The following EEF2KMT variants were observed in gnomAD, a reference collection of about 807,000 sequenced individuals.
EEF2KMT encodes eukaryotic elongation factor 2 lysine methyltransferase, also known as protein-lysine N-methyltransferase EEF2KMT.
EEF2KMT carries 30 observed loss-of-function variants against 35.1 expected under a neutral mutation model. The ratio of observed to expected loss-of-function variants is 0.85; its 90% CI spans 0.64 to 1.16. The LOEUF is 1.16. EEF2KMT is among the 50% of genes most tolerant of loss of function. EEF2KMT has a pLI of 0.00. For synonymous variants in EEF2KMT, 190 were observed against 187.7 expected (o/e 1.01, Z -0.10); for missense variants, 499 against 438.2 (o/e 1.14, Z -1.24).
chr16:5,091,022 C>T (rs1945964824), intron 4 of EEF2KMT, among the ~76,000 whole-genome samples: 1 of 152,176 alleles, frequency 6.6e-6, no homozygotes, highest in African/African-American at 2.4e-5. Flanking sequence ...TCAAGCAATT[C>T]TCCTGCCTCA....
intron 2 of EEF2KMT, 88 bp from the exon 3 acceptor site, chr16:5,093,652 C>A (rs961360330): frequency 3.8e-6 from 6 of 1,587,818 alleles, no homozygotes; most frequent in South Asian, 2.3e-5. Context: ...GGGCAAACTC[C>A]AGGCTACCCG....
rs62036251 is a variant in EEF2KMT, at chr16:5,090,833, G to C, written c.343-268C>G. ...AATTCTGGCGATGGAACACATGTCA[G>C]TGGTGGCCAGGGGACAGGTGTGGCT... is the stretch of plus-strand genomic sequence containing the variant. On this transcript the variant is annotated intron_variant, in intron 4 of 7. Coordinates refer to ENST00000427587, the MANE Select transcript of EEF2KMT (RefSeq NM_201400.4). The surrounding 1 kb of genome is among the most constrained non-coding windows in gnomAD (Gnocchi z 4.1). 6.6e-6 allele frequency among the ~76,000 whole-genome samples: 1 copy of C among 151,122 alleles called. No individual in the cohort carries two copies. Among genetic ancestry groups the C allele is most frequent in the Admixed American group, 6.6e-5 (1 of 15,152 alleles).
At chr16:5,087,017 A>G (rs945729857) in intron 7 of EEF2KMT, 7 of 152,160 alleles carry the variant, frequency 4.6e-5, no homozygotes, top group African/African-American at 1.7e-4. Flanking sequence ...ACGAGTGGAA[A>G]ATGCGTATTT....
chr16:5,097,429 C>T, intron 1 of EEF2KMT: 1 of 1,420,602 alleles, frequency 7.0e-7, no homozygotes, highest in Non-Finnish European at 9.3e-7. Flanking sequence ...GCTGTGGAGA[C>T]GCCCCCAGCT....
intron 3 of EEF2KMT, 192 bp from the exon 4 acceptor site, chr16:5,092,087 A>C (rs865824856): frequency 9.3e-7 from 1 of 1,079,102 alleles, no homozygotes. Context: ...AGAGGCTGAC[A>C]TGGGAGGACT....
Position 5,084,925 on chromosome 16 carries a change from C to G in EEF2KMT, c.*707G>C, listed in dbSNP as rs2142733364. On this transcript the variant is annotated 3_prime_UTR_variant, in exon 8 of 8. Coordinates refer to ENST00000427587, the MANE Select transcript of EEF2KMT (RefSeq NM_201400.4). ...AAACCCCAGGACCCCTGCTGTCCTT[C>G]CCGCAGCTTCTTCTTGGAGTCTCAG... 6.3e-7 allele frequency: 1 copy of G among 1,596,344 alleles called. No individual in the cohort carries two copies. The highest frequency in any genetic ancestry group is 2.2e-5 in the East Asian group (1 of 44,868).
Position 5,084,677 on chromosome 16 carries a change from G to A in EEF2KMT, c.*955C>T. Reference sequence around the variant, plus strand: ...GTTGTTGTTGGGTCGGGGACCTGGGGTCAGCCAGGTGGTGACCTGGGATGG... The same window carrying A: ...GTTGTTGTTGGGTCGGGGACCTGGGATCAGCCAGGTGGTGACCTGGGATGG... On this transcript the variant is annotated 3_prime_UTR_variant, in exon 8 of 8. Transcript: ENST00000427587. 6.3e-7 allele frequency: 1 copy of A among 1,593,062 alleles called. No homozygotes were observed. The highest frequency in any genetic ancestry group is 8.5e-7 in the Non-Finnish European group (1 of 1,177,442).
chr16:5,094,420 G>A (rs1396005287), intron 2 of EEF2KMT, among the ~76,000 whole-genome samples: 2 of 152,054 alleles, frequency 1.3e-5, no homozygotes, highest in African/African-American at 2.4e-5. Context: ...GTACCACCAC[G>A]CCCAGCTAAT....
chr16:5,097,344 C>T (rs1454707922), intron 1 of EEF2KMT: 4 of 1,429,290 alleles, frequency 2.8e-6, no homozygotes, highest in Admixed American at 2.1e-5. Context: ...GTGACCAGAA[C>T]GATTACTGCC....
At chr16:5,093,404 A>G in intron 3 of EEF2KMT, 80 bp downstream of exon 3, 2 of 1,603,520 alleles carry the variant, frequency 1.2e-6, no homozygotes, top group Non-Finnish European at 8.5e-7. Flanking sequence ...AAGCAGGCCC[A>G]GGGCCTGGGA....
intron 6 of EEF2KMT, among the ~76,000 whole-genome samples, chr16:5,089,665 T>C (rs1344471808): frequency 6.6e-6 from 1 of 151,858 alleles, no homozygotes; most frequent in Non-Finnish European, 1.5e-5. Flanking sequence ...GGCTGGGACC[T>C]AGGACCACAG....
At chr16:5,092,664 C>A (rs1957365445) in intron 3 of EEF2KMT, among the ~76,000 whole-genome samples, 1 of 152,246 alleles carries the variant, frequency 6.6e-6, no homozygotes, top group Admixed American at 6.5e-5. Flanking sequence ...TCGGGCGCAT[C>A]TTTAAAATCC....
chr16:5,089,070 A>C (rs754370541), intron 7 of EEF2KMT, 37 bp downstream of exon 7: 47 of 1,610,760 alleles, frequency 2.9e-5, no homozygotes, highest in East Asian at 8.9e-5. Flanking sequence ...GGGACAGCTC[A>C]GGGACCATGC....
Position 5,097,663 on chromosome 16 carries a change from A to C in EEF2KMT, c.77T>G (p.Leu26Arg), listed in dbSNP as rs1957504866. 2 of 1,575,396 alleles carry C rather than the reference A, an allele frequency of 1.3e-6. No homozygotes were observed. Among genetic ancestry groups the C allele is most frequent in the Non-Finnish European group, 1.7e-6 (2 of 1,166,700 alleles). The change falls in exon 1 of 8, where the codon CTG becomes CGG. Residue 26 changes from leucine to arginine, a missense_variant. Coordinates refer to ENST00000427587, the MANE Select transcript of EEF2KMT (RefSeq NM_201400.4). ...GCCCACCTGCCAGGGGAAGGAGCGC[A>C]GTGTGCGTGCCGCCAGGAAGCGGCG... is the stretch of plus-strand genomic sequence containing the variant. ...FERRFLAARTLRSFPWQSLEA... is the reference protein window; with the variant it reads ...FERRFLAARTRRSFPWQSLEA...
intron 7 of EEF2KMT, among the ~76,000 whole-genome samples, chr16:5,087,888 GT>G (rs917807176): frequency 8.9e-5 from 13 of 146,792 alleles, no homozygotes; most frequent in African/African-American, 3.0e-4. Flanking sequence ...TATATTGCAG[GT>G]TTTTTTTCAC....
intron 2 of EEF2KMT, 102 bp downstream of exon 2, chr16:5,095,350 G>T: frequency 1.3e-6 from 2 of 1,575,132 alleles, no homozygotes; most frequent in Non-Finnish European, 1.7e-6. Context: ...TTGAACAGGG[G>T]TGTTTTTAAA....
In EEF2KMT at chr16:5,093,665, C is replaced by A. The variant is rs1321488801; in HGVS notation, c.160-101G>T. 3.8e-6 allele frequency: 6 copies of A among 1,569,870 alleles called. No homozygotes were observed. In the Admixed American group the frequency reaches 9.3e-5, roughly 24 times the overall value. ...GAGGGCAAACTCCAGGCTACCCGAT[C>A]CCTCAGCAAAGATGTAGATGGACAC... is the stretch of plus-strand genomic sequence containing the variant. On this transcript the variant is annotated intron_variant, in intron 2 of 7. Transcript: ENST00000427587.
chr16:5,086,043 G>A (rs376537060), intron 7 of EEF2KMT, among the ~76,000 whole-genome samples: 2 of 152,308 alleles, frequency 1.3e-5, no homozygotes, highest in East Asian at 1.9e-4. Context: ...TCTTCACAAA[G>A]CTTAGAAAGC....
chr16:5,087,923 CT>C (rs764376534), intron 7 of EEF2KMT, among the ~76,000 whole-genome samples: 10,441 of 25,646 alleles, frequency 0.41, 575 homozygotes, highest in African/African-American at 0.46. Flanking sequence ...GAAAGACTTC[CT>C]TTTTTTTTTT....
Sources: gnomAD v4.1 joint callset for allele counts (sites outside exome capture counted in the v4.1 genomes callset) on GRCh38, gnomAD v4.1.1 for gene constraint, Gnocchi (gnomAD v3.1) non-coding constraint, MANE v1.5 for transcripts, NCBI Gene and HGNC (gene_info 2026-07-23, HGNC 2026-07-21) for gene names.